The following PHLDB1 variants were observed in gnomAD, a reference collection of about 807,000 sequenced individuals.
PHLDB1 encodes the protein pleckstrin homology like domain family B member 1.
A neutral mutation model predicts 139.3 loss-of-function variants in PHLDB1; 65 were observed. The ratio of observed to expected loss-of-function variants is 0.47; its 90% CI spans 0.38 to 0.57. The LOEUF is 0.57. Among genes scored for constraint, PHLDB1 ranks in the 20% least tolerant of loss-of-function variants. The pLI is 0.00. For missense variants in PHLDB1, 1,624 were observed against 1,839.7 expected (o/e 0.88, Z 2.14); for synonymous variants, 679 against 734.5 (o/e 0.92, Z 1.22).
intron 4 of PHLDB1, 93 bp from the exon 5 acceptor site, chr11:118,624,841 C>T: frequency 7.4e-7 from 1 of 1,344,358 alleles, no homozygotes; most frequent in Non-Finnish European, 1.1e-6. Context: ...AACTCCCGAC[C>T]TCAGGTGATC....
intron 6 of PHLDB1, 88 bp downstream of exon 6, chr11:118,628,738 C>G (rs1209253464): frequency 2.3e-6 from 3 of 1,319,604 alleles, no homozygotes; most frequent in Non-Finnish European, 3.1e-6. Flanking sequence ...CAGGAGAGGC[C>G]CTCAAACAGG....
At chr11:118,612,363 C>T (rs956103957) in intron 1 of PHLDB1, among the ~76,000 whole-genome samples, 1 of 152,142 alleles carries the variant, frequency 6.6e-6, no homozygotes. Context: ...TTTACATAAA[C>T]TCCCCATTCC....
intron 1 of PHLDB1, among the ~76,000 whole-genome samples, chr11:118,609,243 T>TCA (rs1318137925): frequency 1.0e-5 from 1 of 95,388 alleles, no homozygotes; most frequent in African/African-American, 4.3e-5. Flanking sequence ...ACGCAGCCCG[T>TCA]CACACACACA....
At position 118,632,755 on chromosome 11, in the gene PHLDB1, T is replaced by C. The variant is rs1466103800; in HGVS notation, c.2379+459T>C. Reference sequence around the variant, plus strand: ...CTCTGCTTCCCTTGAGCCTTCAGGATCTGCAGCCTCCCATCCCAGGTGATC... The same window carrying C: ...CTCTGCTTCCCTTGAGCCTTCAGGACCTGCAGCCTCCCATCCCAGGTGATC... On this transcript the variant is annotated intron_variant, in intron 9 of 22. Coordinates refer to ENST00000600882, the MANE Select transcript of PHLDB1 (RefSeq NM_001144758.3). The surrounding 1 kb of genome is among the most constrained non-coding windows in gnomAD (Gnocchi z 5.9). 2.1e-6 allele frequency: 1 copy of C among 477,744 alleles called. No homozygotes were observed. The highest frequency in any genetic ancestry group is 2.1e-5 in the African/African-American group (1 of 47,496). 29.6% of individuals were successfully genotyped at this position (477,744 alleles called of 1,614,324 possible). A position where few individuals can be genotyped will look rare whatever the true frequency, so the allele number is the denominator to read the frequency against.
In PHLDB1 at chr11:118,657,143, C is replaced by T. The variant is rs529256132; in HGVS notation, c.*320C>T. 9 of 208,916 alleles carry T rather than the reference C, an allele frequency of 4.3e-5. No individual in the cohort carries two copies. The South Asian group carries it at 1.1e-3, about 26-fold the overall frequency. 12.9% of individuals were successfully genotyped at this position (208,916 alleles called of 1,614,324 possible). On this transcript the variant is annotated 3_prime_UTR_variant, in exon 23 of 23. Transcript: ENST00000600882. ...GGTACCATAAGCTGCCAAAGATCCC[C>T]TCCTGCCTCAGACCCCTTTGCCAGG...
rs1357776885 is a variant in PHLDB1 at position 118,645,294 on chromosome 11, C to T, written c.3122-62C>T. The stretch of plus-strand genomic sequence containing the variant: ...CCCCTCCCTCTGTGTGTTGTGCTGC[C>T]AGTGGCCTGCTCCTTAGCTGCGTGG... On this transcript the variant is annotated intron_variant, in intron 15 of 22. Transcript: ENST00000600882. The surrounding 1 kb of genome is among the most constrained non-coding windows in gnomAD (Gnocchi z 5.1). The T allele has an allele frequency of 1.1e-5, 14 of 1,311,796 alleles. No homozygotes were observed. The Admixed American group carries it at 3.1e-4, about 30-fold the overall frequency. 81.3% of individuals were successfully genotyped at this position (1,311,796 alleles called of 1,614,324 possible). A position where few individuals can be genotyped will look rare whatever the true frequency, so the allele number is the denominator to read the frequency against.
In PHLDB1 at chr11:118,623,241, C is replaced by T. The variant is rs543240050; in HGVS notation, c.356-1693C>T. 3.3e-5 allele frequency among the ~76,000 whole-genome samples: 5 copies of T among 152,272 alleles called. No homozygotes were observed. The East Asian group carries it at 5.8e-4, about 18-fold the overall frequency. ...GATTGGGTAGACAGGAGGCTGAGGC[C>T]GGGGGCCAGGGGTGTGGACAAATTG... On this transcript the variant is annotated intron_variant, in intron 4 of 22. Transcript: ENST00000600882.
At chr11:118,654,853 G>A (rs1258353859) in intron 20 of PHLDB1, 4 of 151,842 alleles carry the variant, frequency 2.6e-5, no homozygotes, top group Non-Finnish European at 4.4e-5. Context: ...GAATAGCTGG[G>A]ATTATAGGCA....
chr11:118,627,786 G>C lies in PHLDB1; in HGVS notation c.963G>C (p.Arg321Ser), dbSNP rs781870631. The C allele has an allele frequency of 8.7e-6, 14 of 1,605,332 alleles. No individual in the cohort carries two copies. The South Asian group carries it at 1.5e-4, about 18-fold the overall frequency. Residue 321 changes from arginine (R) to serine (S), a missense_variant, in exon 6 of 23, where the codon AGG (arginine) becomes AGC (serine). By Grantham distance (110) the Arg-to-Ser change is moderately radical (BLOSUM62 -1). Coordinates refer to ENST00000600882, the MANE Select transcript of PHLDB1 (RefSeq NM_001144758.3). ...PRLSRKGGHE[R>S]PPSPGLRGLL... ...TGAGCAGGAAAGGGGGCCATGAGAGGCCTCCCAGCCCTGGCCTCCGGGGTC... is the reference window on the plus strand; with the variant it reads ...TGAGCAGGAAAGGGGGCCATGAGAGCCCTCCCAGCCCTGGCCTCCGGGGTC...
chr11:118,643,652 G>A (rs981204229), intron 13 of PHLDB1, 148 bp from the exon 14 acceptor site: 1 of 1,534,088 alleles, frequency 6.5e-7, no homozygotes, highest in African/African-American at 1.4e-5. Context: ...CTGGCCATTG[G>A]GCTGGCTCAG....
intron 15 of PHLDB1, chr11:118,644,621 C>G (rs1267930262): frequency 7.8e-7 from 1 of 1,281,924 alleles, no homozygotes; most frequent in Non-Finnish European, 1.0e-6. Context: ...TCTACCGTAC[C>G]CTCTGCCTGG....
intron 2 of PHLDB1, among the ~76,000 whole-genome samples, 186 bp downstream of exon 2, chr11:118,614,082 C>G (rs1480183556): frequency 6.6e-6 from 1 of 152,182 alleles, no homozygotes; most frequent in Admixed American, 6.5e-5. Flanking sequence ...CACCCAGAAA[C>G]TACCCATCGA....
intron 9 of PHLDB1, chr11:118,635,184 G>T: frequency 1.6e-6 from 1 of 624,032 alleles, no homozygotes; most frequent in Non-Finnish European, 2.9e-6. Flanking sequence ...CGGTTTGGAG[G>T]GAACCGGGAA....
At chr11:118,622,853 G>C (rs1943095389) in intron 4 of PHLDB1, among the ~76,000 whole-genome samples, 2 of 152,232 alleles carry the variant, frequency 1.3e-5, no homozygotes, top group Admixed American at 6.5e-5. Context: ...GAATACTCTG[G>C]GATCCTCTTC....
intron 6 of PHLDB1, 134 bp downstream of exon 6, chr11:118,628,784 C>T: frequency 1.4e-6 from 1 of 720,458 alleles, no homozygotes; most frequent in African/African-American, 1.8e-5. Context: ...CTCCAGGATA[C>T]ACTTTAGTGA....
At chr11:118,616,001 C>G in intron 3 of PHLDB1, 40 bp from the exon 4 acceptor site, 1 of 1,567,484 alleles carries the variant, frequency 6.4e-7, no homozygotes, top group South Asian at 1.2e-5. Context: ...CCTCCTCAGC[C>G]TGGACAACCC....
chr11:118,607,521 C>A (rs1283982439), upstream of PHLDB1: 1 of 86,406 alleles, frequency 1.2e-5, no homozygotes, highest in Admixed American at 1.7e-4. Flanking sequence ...GCTGGCCAGG[C>A]GGACGGGACG....
At position 118,632,938 on chromosome 11, in the gene PHLDB1, T is replaced by C. The variant is rs1945031023; in HGVS notation, c.2379+642T>C. The C allele has an allele frequency of 7.7e-6, 5 of 646,984 alleles. No individual in the cohort carries two copies. The highest frequency in any genetic ancestry group is 9.6e-6 in the Non-Finnish European group (5 of 520,556). The allele number at this position is 646,984 out of a possible 1,614,324, so 40.1% of individuals were successfully genotyped here. A position where few individuals can be genotyped will look rare whatever the true frequency, so the allele number is the denominator to read the frequency against. On this transcript the variant is annotated intron_variant, in intron 9 of 22. Transcript: ENST00000600882. This position sits in a 1 kb window ranked among gnomAD's most constrained non-coding sequence, Gnocchi z 5.9. ...TAATTTAATTTTCCTTCTGGATTTT[T>C]TGAGTTTCTTCCTCCTGCCCTCAAT...
Position 118,627,699 on chromosome 11 carries a change from C to T in PHLDB1, c.876C>T (p.Tyr292=), listed in dbSNP as rs1470786375. 6.2e-7 allele frequency: 1 copy of T among 1,610,502 alleles called. No homozygotes were observed. Among genetic ancestry groups the T allele is most frequent in the Non-Finnish European group, 8.5e-7 (1 of 1,180,022 alleles). ...PPLVPARSSS[Y]HLALQPPQSR... ...TGGTACCTGCCCGTTCCTCCAGCTA[C>T]CATCTGGCCCTACAGCCCCCACAGT... Residue 292 remains tyrosine, a synonymous_variant, in exon 6 of 23, where the codon TAC becomes TAT. Coordinates refer to ENST00000600882, the MANE Select transcript of PHLDB1 (RefSeq NM_001144758.3).
Sources: gnomAD v4.1 joint callset for allele counts (sites outside exome capture counted in the v4.1 genomes callset) on GRCh38, gnomAD v4.1.1 for gene constraint, Gnocchi (gnomAD v3.1) non-coding constraint, MANE v1.5 for transcripts, NCBI Gene and HGNC (gene_info 2026-07-23, HGNC 2026-07-21) for gene names.